OPCML: variants seen among roughly 807,000 people sequenced by gnomAD.
The protein encoded by OPCML is opioid-binding protein/cell adhesion molecule.
OPCML carries 13 observed loss-of-function variants against 37.8 expected under a neutral mutation model. The ratio of observed to expected loss-of-function variants is 0.34; its 90% CI spans 0.22 to 0.55. The LOEUF (loss-of-function observed/expected upper bound fraction) is 0.55, where lower values mean the gene tolerates loss of function less well. Among genes scored for constraint, OPCML ranks in the 20% least tolerant of loss-of-function variants. OPCML has a pLI of 0.91. For missense variants in OPCML, 341 were observed against 435.6 expected (o/e 0.78, Z 1.93); for synonymous variants, 176 against 168.8 (o/e 1.04, Z -0.33).
At chr11:133,350,682 A>G (rs1238855977) in intron 1 of OPCML, among the ~76,000 whole-genome samples, 2 of 152,206 alleles carry the variant, frequency 1.3e-5, no homozygotes, top group African/African-American at 4.8e-5. Flanking sequence ...CCATTGTTTT[A>G]CCTTAAGGAG....
intron 2 of OPCML, among the ~76,000 whole-genome samples, chr11:132,723,305 T>C (rs1008504727): frequency 6.6e-6 from 1 of 152,212 alleles, no homozygotes; most frequent in Admixed American, 6.5e-5. Flanking sequence ...CTTGCATAAC[T>C]TCACACATTA....
chr11:133,100,793 T>C (rs1447660068), intron 1 of OPCML, among the ~76,000 whole-genome samples: 1 of 152,198 alleles, frequency 6.6e-6, no homozygotes, highest in South Asian at 2.1e-4. Flanking sequence ...ATAATCCTTA[T>C]ACCTTTTGCC....
At chr11:132,739,397 C>A (rs537408572) in intron 2 of OPCML, among the ~76,000 whole-genome samples, 85 of 152,144 alleles carry the variant, frequency 5.6e-4, no homozygotes, top group Admixed American at 8.5e-4. Context: ...AGGCAATGAA[C>A]CTAAGTGGGT....
At chr11:132,424,964 C>G (rs190696497) in intron 7 of OPCML, among the ~76,000 whole-genome samples, 1 of 152,322 alleles carries the variant, frequency 6.6e-6, no homozygotes, top group East Asian at 1.9e-4. Flanking sequence ...AGAGAGACCA[C>G]TGGCTGTGAG....
intron 1 of OPCML, among the ~76,000 whole-genome samples, chr11:132,945,601 A>G (rs967302318): frequency 1.3e-5 from 2 of 152,214 alleles, no homozygotes; most frequent in African/African-American, 4.8e-5. Flanking sequence ...TAAATTTATC[A>G]AAACATATTT....
intron 1 of OPCML, among the ~76,000 whole-genome samples, chr11:133,258,419 A>G (rs1941384788): frequency 6.6e-6 from 1 of 152,144 alleles, no homozygotes; most frequent in African/African-American, 2.4e-5. Context: ...TAGGTGAAGG[A>G]AGAAGGGAAG....
chr11:132,686,558 A>C (rs981646782), intron 2 of OPCML, among the ~76,000 whole-genome samples: 2 of 152,210 alleles, frequency 1.3e-5, no homozygotes, highest in African/African-American at 2.4e-5. Context: ...AAATAGTTTC[A>C]GTTTATGGCC....
intron 2 of OPCML, among the ~76,000 whole-genome samples, chr11:132,887,229 T>C (rs915685995): frequency 6.6e-6 from 1 of 152,208 alleles, no homozygotes; most frequent in Non-Finnish European, 1.5e-5. Context: ...CTCAGTACAG[T>C]AACACTAGCC....
At chr11:133,404,420 G>A (rs757944486) in intron 1 of OPCML, among the ~76,000 whole-genome samples, 2 of 152,222 alleles carry the variant, frequency 1.3e-5, no homozygotes, top group Non-Finnish European at 2.9e-5. Flanking sequence ...GGGAAAAGGT[G>A]CCCTTTACAT....
At chr11:132,687,625 T>C (rs1017796675) in intron 2 of OPCML, among the ~76,000 whole-genome samples, 10 of 151,808 alleles carry the variant, frequency 6.6e-5, no homozygotes, top group Admixed American at 2.6e-4. Context: ...AGAACTTGTA[T>C]TTAAATGAGC....
At chr11:132,896,054 G>A (rs955912366) in intron 2 of OPCML, among the ~76,000 whole-genome samples, 37 of 152,168 alleles carry the variant, frequency 2.4e-4, no homozygotes, top group Admixed American at 1.8e-3. Context: ...CCTCAGAGCC[G>A]AGGTCCTCAA....
At chr11:132,420,705 A>G (rs2186752) in intron 7 of OPCML, among the ~76,000 whole-genome samples, 74,896 of 152,014 alleles carry the variant, frequency 0.49, 20,907 homozygotes, top group African/African-American at 0.78. Flanking sequence ...CAAGGAGCAG[A>G]TGGTGGGGTA....
chr11:132,751,906 G>A (rs998481242), intron 2 of OPCML, among the ~76,000 whole-genome samples: 1 of 152,198 alleles, frequency 6.6e-6, no homozygotes, highest in Non-Finnish European at 1.5e-5. Context: ...CTGTTAGTGA[G>A]GAGAAACCAG....
chr11:133,107,420 T>C (rs1380784658), intron 1 of OPCML, among the ~76,000 whole-genome samples: 1 of 152,214 alleles, frequency 6.6e-6, no homozygotes, highest in African/African-American at 2.4e-5. Context: ...ACAGAGGCAT[T>C]GCTGTCCTTG....
intron 3 of OPCML, among the ~76,000 whole-genome samples, chr11:132,622,972 C>T (rs960755098): frequency 3.3e-5 from 5 of 152,038 alleles, no homozygotes; most frequent in African/African-American, 7.2e-5. Flanking sequence ...CTCTAAATGG[C>T]GGTCATTTAA....
intron 1 of OPCML, among the ~76,000 whole-genome samples, chr11:133,480,686 T>C (rs1260037919): frequency 1.3e-5 from 2 of 152,246 alleles, no homozygotes; most frequent in East Asian, 1.9e-4. Context: ...CTCCTTCCCC[T>C]GAAACCTTGT....
At chr11:133,477,380 G>T (rs911868800) in intron 1 of OPCML, among the ~76,000 whole-genome samples, 2 of 152,108 alleles carry the variant, frequency 1.3e-5, no homozygotes, top group Non-Finnish European at 2.9e-5. Flanking sequence ...GAATGCCCTG[G>T]CTTCTAATCC....
chr11:133,383,390 C>T (rs1440606664), intron 1 of OPCML, among the ~76,000 whole-genome samples: 1 of 152,128 alleles, frequency 6.6e-6, no homozygotes, highest in East Asian at 1.9e-4. Flanking sequence ...GGTAACTTGC[C>T]CAAGGCCATA....
At chr11:133,323,234 C>G (rs1943374592) in intron 1 of OPCML, among the ~76,000 whole-genome samples, 1 of 152,126 alleles carries the variant, frequency 6.6e-6, no homozygotes, top group South Asian at 2.1e-4. Context: ...TATCTGGTGG[C>G]AAAACATCAA....
Sources: allele counts gnomAD v4.1 joint callset (sites outside exome capture counted in the v4.1 genomes callset), GRCh38; gene constraint gnomAD v4.1.1; transcripts MANE v1.5; gene names NCBI Gene and HGNC (gene_info 2026-07-23, HGNC 2026-07-21).